The following DNAH11 variants were observed in gnomAD, a reference collection of about 807,000 sequenced individuals.
DNAH11 encodes the protein axonemal beta dynein heavy chain 11.
A neutral mutation model predicts 526.0 loss-of-function variants in DNAH11; 442 were observed. That is an observed-to-expected ratio of 0.84 (90% CI 0.78 to 0.91). The LOEUF is 0.91. DNAH11 is among the 40% of genes least tolerant of loss of function. The probability of loss-of-function intolerance (pLI) is 0.00; values close to 1 mark genes in which losing one functional copy is unlikely to be tolerated. For missense variants in DNAH11, 6,989 were observed against 5,448.7 expected (o/e 1.28, Z -8.90); for synonymous variants, 2,461 against 1,935.9 (o/e 1.27, Z -7.12).
intron 29 of DNAH11, among the ~76,000 whole-genome samples, chr7:21,656,683 A>C (rs1782028397): frequency 6.6e-6 from 1 of 152,162 alleles, no homozygotes; most frequent in South Asian, 2.1e-4. Flanking sequence ...AACTGATGGA[A>C]TAGTGTCTAG....
intron 35 of DNAH11, among the ~76,000 whole-genome samples, chr7:21,693,213 C>T (rs73063718): frequency 0.16 from 24,490 of 152,060 alleles, 2,299 homozygotes; most frequent in East Asian, 0.41. Context: ...CTTTGTTGTT[C>T]TATAGTTTTC....
chr7:21,813,465 G>A (rs1445174971), intron 63 of DNAH11, among the ~76,000 whole-genome samples: 3 of 152,190 alleles, frequency 2.0e-5, no homozygotes, highest in Non-Finnish European at 4.4e-5. Context: ...TAAATTTTGT[G>A]AACAGGTAAA....
At chr7:21,557,054 C>G (rs1175158972) in intron 2 of DNAH11, among the ~76,000 whole-genome samples, 1 of 148,862 alleles carries the variant, frequency 6.7e-6, no homozygotes, top group African/African-American at 2.4e-5. Flanking sequence ...CAAAGTGAGA[C>G]TCTGTCTCAA....
intron 64 of DNAH11, among the ~76,000 whole-genome samples, chr7:21,817,255 C>T (rs1289572440): frequency 6.6e-6 from 1 of 152,088 alleles, no homozygotes; most frequent in Non-Finnish European, 1.5e-5. Context: ...AGATAGAAAG[C>T]TGTCTTGTAT....
At chr7:21,723,205 T>G (rs1318060443) in intron 44 of DNAH11, among the ~76,000 whole-genome samples, 2 of 152,260 alleles carry the variant, frequency 1.3e-5, no homozygotes, top group Non-Finnish European at 2.9e-5. Context: ...TGTCAGGGAA[T>G]GTGCTTAGAG....
chr7:21,555,817 G>A (rs1005457594), intron 2 of DNAH11, among the ~76,000 whole-genome samples: 6 of 152,158 alleles, frequency 3.9e-5, no homozygotes, highest in Admixed American at 2.0e-4. Context: ...CTTAAATTTT[G>A]TGGGACGTGT....
chr7:21,831,463 C>T (rs184217525), intron 65 of DNAH11, among the ~76,000 whole-genome samples: 115 of 152,240 alleles, frequency 7.6e-4, no homozygotes, highest in Non-Finnish European at 1.6e-3. Context: ...TCTCATAGAT[C>T]ATAAACACCC....
intron 66 of DNAH11, among the ~76,000 whole-genome samples, chr7:21,844,824 A>G (rs575438134): frequency 4.0e-4 from 61 of 152,216 alleles, no homozygotes; most frequent in Non-Finnish European, 8.4e-4. Flanking sequence ...TTGCCACTGC[A>G]GCAGTTGCCA....
chr7:21,593,540 G>A (rs989367609), intron 14 of DNAH11, among the ~76,000 whole-genome samples: 3 of 149,038 alleles, frequency 2.0e-5, no homozygotes, highest in Admixed American at 1.3e-4. Context: ...CTAGGAAGGA[G>A]AAAAAATTGT....
At chr7:21,643,724 A>G (rs780859986) in intron 28 of DNAH11, among the ~76,000 whole-genome samples, 4 of 152,218 alleles carry the variant, frequency 2.6e-5, no homozygotes, top group Non-Finnish European at 4.4e-5. Flanking sequence ...GCAAATACAG[A>G]TGTAGCATTT....
At chr7:21,746,719 T>G (rs546867528) in intron 51 of DNAH11, among the ~76,000 whole-genome samples, 1 of 152,330 alleles carries the variant, frequency 6.6e-6, no homozygotes, top group South Asian at 2.1e-4. Flanking sequence ...ACAAAAATTG[T>G]AGAGCCCTTC....
chr7:21,666,529 C>G (rs983764066), intron 30 of DNAH11, among the ~76,000 whole-genome samples: 1 of 151,986 alleles, frequency 6.6e-6, no homozygotes, highest in African/African-American at 2.4e-5. Context: ...TCTCATTAAC[C>G]ATCCTCTCCC....
chr7:21,808,137 G>T, intron 63 of DNAH11, 88 bp downstream of exon 63: 1 of 1,124,240 alleles, frequency 8.9e-7, no homozygotes, highest in African/African-American at 1.6e-5. Flanking sequence ...AGGCGCTTTT[G>T]GACGTCTGTA....
At chr7:21,635,820 C>G (rs1304530054) in intron 25 of DNAH11, 51 bp from the exon 26 acceptor site, 1 of 1,469,068 alleles carries the variant, frequency 6.8e-7, no homozygotes, top group East Asian at 2.4e-5. Context: ...TCATAGCACT[C>G]ACATTCTACT....
intron 31 of DNAH11, among the ~76,000 whole-genome samples, chr7:21,682,340 C>A (rs1783178500): frequency 6.6e-6 from 1 of 151,984 alleles, no homozygotes; most frequent in South Asian, 2.1e-4. Flanking sequence ...TCCTGGCTAA[C>A]ATGGTGAAAC....
chr7:21,738,397 G>T (rs1203768627), intron 46 of DNAH11, among the ~76,000 whole-genome samples: 1 of 152,194 alleles, frequency 6.6e-6, no homozygotes, highest in Non-Finnish European at 1.5e-5. Context: ...GGGGGAGGAA[G>T]TACGCAGATC....
Position 21,601,138 on chromosome 7 carries a change from C to T in DNAH11, c.3384C>T (p.Ser1128=), listed in dbSNP as rs79955190. The T allele has an allele frequency of 7.0e-4, 1,118 of 1,607,528 alleles. 5 individuals are homozygous for T. In the Middle Eastern group the frequency reaches 0.011, roughly 15 times the overall value. The change falls in exon 17 of 82, where the codon AGC becomes AGT. Residue 1128 remains serine, a synonymous_variant. Coordinates refer to ENST00000409508, the MANE Select transcript of DNAH11 (RefSeq NM_001277115.2). The stretch of plus-strand genomic sequence containing the variant: ...TGTTAACCATAATTAAGAAATGGAG[C>T]TGGATGTTTCAGGAGCATCTTTTGA... ...VSLLTIIKKW[S]WMFQEHLLRF...
At chr7:21,742,295 A>G (rs1785942618) in intron 49 of DNAH11, 129 bp downstream of exon 49, 1 of 1,144,574 alleles carries the variant, frequency 8.7e-7, no homozygotes, top group Admixed American at 2.7e-5. Flanking sequence ...AAGAGGTTTA[A>G]TTGGCTTATG....
At chr7:21,779,794 T>C (rs935594816) in intron 57 of DNAH11, among the ~76,000 whole-genome samples, 10 of 152,066 alleles carry the variant, frequency 6.6e-5, no homozygotes, top group African/African-American at 2.4e-4. Context: ...AACAGAAAAA[T>C]TTTAATACAT....
Sources: gnomAD v4.1 joint callset for allele counts (sites outside exome capture counted in the v4.1 genomes callset) on GRCh38, gnomAD v4.1.1 for gene constraint, MANE v1.5 for transcripts, NCBI Gene and HGNC (gene_info 2026-07-23, HGNC 2026-07-21) for gene names.